Variants in PPL observed in about 807,000 individuals in gnomAD.
PPL encodes the protein 190 kDa paraneoplastic pemphigus antigen.
PPL carries 198 observed loss-of-function variants against 194.4 expected under a neutral mutation model. The ratio of observed to expected loss-of-function variants is 1.02; its 90% CI spans 0.91 to 1.15. PPL has a LOEUF of 1.15. Among genes scored for constraint, PPL ranks in the 50% most tolerant of loss-of-function variants. The probability of loss-of-function intolerance (pLI) is 0.00; values close to 1 mark genes in which losing one functional copy is unlikely to be tolerated. For missense variants in PPL, 2,885 were observed against 2,294.8 expected, an observed-to-expected ratio of 1.26 and a Z score of -5.25; for synonymous variants, 1,220 against 972.4, an observed-to-expected ratio of 1.25 and a Z score of -4.74.
In PPL at chr16:4,883,555, C is replaced by T. The variant is rs2088142738; in HGVS notation, c.5100G>A (p.Val1700=). 4.3e-6 allele frequency: 7 copies of T among 1,614,192 alleles called. No homozygotes were observed. The highest frequency in any genetic ancestry group is 5.9e-6 in the Non-Finnish European group (7 of 1,180,018). ...SQECDWEEIS[V]KGPNGESSVI... Reference sequence around the variant, plus strand: ...CTGAGGACTCCCCATTGGGACCCTTCACTGAGATCTCCTCCCAGTCGCACT... The same window carrying T: ...CTGAGGACTCCCCATTGGGACCCTTTACTGAGATCTCCTCCCAGTCGCACT... Residue 1700 remains valine, a synonymous_variant, in exon 22 of 22, where the codon GTG becomes GTA. Coordinates refer to ENST00000345988, the MANE Select transcript of PPL (RefSeq NM_002705.5). This position sits in a 1 kb window ranked among gnomAD's most constrained non-coding sequence, Gnocchi z 4.8.
At position 4,910,960 on chromosome 16, in the gene PPL, A is replaced by C. The variant is rs2088808494; in HGVS notation, c.63-11T>G. The C allele has an allele frequency of 1.9e-6, 3 of 1,609,230 alleles. No individual in the cohort carries two copies. The highest frequency in any genetic ancestry group is 2.5e-6 in the Non-Finnish European group (3 of 1,178,864). ...TCCTTGTTAGAGATGCTGCGGGCAGAAGCCGAGGGGAGATGGGCGGGGTGC... is the reference window on the plus strand; with the variant it reads ...TCCTTGTTAGAGATGCTGCGGGCAGCAGCCGAGGGGAGATGGGCGGGGTGC... On this transcript the variant is annotated splice_polypyrimidine_tract_variant and intron_variant, in intron 1 of 21. Transcript: ENST00000345988.
chr16:4,909,956 A>G (rs1454655512), intron 2 of PPL, among the ~76,000 whole-genome samples: 1 of 152,222 alleles, frequency 6.6e-6, no homozygotes, highest in Non-Finnish European at 1.5e-5. Flanking sequence ...CTGCAGGCCG[A>G]TGCTGGCACC....
chr16:4,889,201 ATTTTTATT>A, intron 18 of PPL, 140 bp from the exon 19 acceptor site: 1 of 406,048 alleles, frequency 2.5e-6, no homozygotes, highest in Non-Finnish European at 4.1e-6. Flanking sequence ...CCTTGTATAC[ATTTTTATT>A]CATTGCAAAA....
At position 4,922,009 on chromosome 16, in the gene PPL, G is replaced by A. The variant is rs114620409; in HGVS notation, c.63-11060C>T. 6.6e-3 allele frequency among the ~76,000 whole-genome samples: 1,004 copies of A among 152,104 alleles called. 5 individuals carry two copies. The highest frequency in any genetic ancestry group is 0.023 in the African/African-American group (946 of 41,496). ...CAGAGAAAGATAACACAGGTGTCTCGGGGGACCCTCGCTCTCCACCTCCTG... is the reference window on the plus strand; with the variant it reads ...CAGAGAAAGATAACACAGGTGTCTCAGGGGACCCTCGCTCTCCACCTCCTG... On this transcript the variant is annotated intron_variant, in intron 1 of 21. Coordinates refer to ENST00000345988, the MANE Select transcript of PPL (RefSeq NM_002705.5).
Position 4,936,913 on chromosome 16 carries a change from G to A in PPL, c.62+71C>T, listed in dbSNP as rs1180153611. 7 of 1,455,238 alleles carry A rather than the reference G, an allele frequency of 4.8e-6. No homozygotes were observed. The Admixed American group carries it at 8.0e-5, about 17-fold the overall frequency. The allele number at this position is 1,455,238 out of a possible 1,614,324, so 90.1% of individuals were successfully genotyped here. A position where few individuals can be genotyped will look rare whatever the true frequency, so the allele number is the denominator to read the frequency against. On this transcript the variant is annotated intron_variant, in intron 1 of 21. Transcript: ENST00000345988. ...TACCCCCCATTCCTACACTGCCCGGGAGGTCTTCCAGGTCCTGTGCGCCCA... is the reference window on the plus strand; with the variant it reads ...TACCCCCCATTCCTACACTGCCCGGAAGGTCTTCCAGGTCCTGTGCGCCCA...
chr16:4,933,831 C>A (rs1568070074), intron 1 of PPL, among the ~76,000 whole-genome samples: 1 of 152,236 alleles, frequency 6.6e-6, no homozygotes, highest in Non-Finnish European at 1.5e-5. Context: ...CAGTGCACAG[C>A]CTGTCCACCA....
rs752935554 is a variant in PPL at position 4,893,253 on chromosome 16, C to T, written c.1610G>A (p.Arg537Gln). ...GILRPPLEQG[R>Q]AVQDSAERAK... ...CCGCTCGGCACTGTCCTGCACAGCC[C>T]GGCCTTGCTCCAGTGGTGGCCGCAG... Residue 537 changes from arginine to glutamine, a missense_variant, in exon 14 of 22, where the codon CGG becomes CAG. Transcript: ENST00000345988. 44 of 1,592,526 alleles carry T rather than the reference C, an allele frequency of 2.8e-5. No individual in the cohort carries two copies. The highest frequency in any genetic ancestry group is 3.2e-5 in the Non-Finnish European group (38 of 1,173,240).
At chr16:4,907,474 G>A (rs958310219) in intron 2 of PPL, among the ~76,000 whole-genome samples, 2 of 152,078 alleles carry the variant, frequency 1.3e-5, no homozygotes, top group South Asian at 2.1e-4. Context: ...GTGTGATGCA[G>A]TGTATGATTC....
Position 4,902,675 on chromosome 16 carries a change from AC to A in PPL, c.318-150del. 1.3e-6 allele frequency: 1 copy of A among 747,134 alleles called. No homozygotes were observed. 46.3% of individuals were successfully genotyped at this position (747,134 alleles called of 1,614,324 possible). A position where few individuals can be genotyped will look rare whatever the true frequency, so the allele number is the denominator to read the frequency against. Reference sequence around the variant, plus strand: ...TTCCAGACAATCACAGCATCCTCTCACCCCTCCTCCCATGCACTTTTTTTTT... The same window carrying A: ...TTCCAGACAATCACAGCATCCTCTCACCCTCCTCCCATGCACTTTTTTTTT... On this transcript the variant is annotated intron_variant, in intron 3 of 21. Coordinates refer to ENST00000345988, the MANE Select transcript of PPL (RefSeq NM_002705.5). This position sits in a 1 kb window ranked among gnomAD's most constrained non-coding sequence, Gnocchi z 4.0.
intron 1 of PPL, among the ~76,000 whole-genome samples, chr16:4,924,890 T>G (rs2089127529): frequency 6.6e-6 from 1 of 152,210 alleles, no homozygotes; most frequent in South Asian, 2.1e-4. Flanking sequence ...GCCACGTTCC[T>G]GCCATCACCT....
At position 4,895,699 on chromosome 16, in the gene PPL, C is replaced by T; in HGVS notation, c.990G>A (p.Lys330=). 1 of 1,613,946 alleles carries T rather than the reference C, an allele frequency of 6.2e-7. No homozygotes were observed. The highest frequency in any genetic ancestry group is 1.1e-5 in the South Asian group (1 of 91,090). ...EDYHQFHEDV[K]DAQELLRKVD... ...CCTTGCGCAGCAGCTCCTGAGCGTC[C>T]TTCACGTCTTCGTGAAACTAGGGGA... The change falls in exon 10 of 22, where the codon AAG becomes AAA. Residue 330 remains lysine, a synonymous_variant. Coordinates refer to ENST00000345988, the MANE Select transcript of PPL (RefSeq NM_002705.5).
At position 4,920,371 on chromosome 16, in the gene PPL, G is replaced by GAAAGAAAGAAAGAAAGAAA; in HGVS notation, c.63-9423_63-9422insTTTCTTTCTTTCTTTCTTT. 3.0e-3 allele frequency among the ~76,000 whole-genome samples: 284 copies of GAAAGAAAGAAAGAAAGAAA among 94,230 alleles called. 86 individuals carry two copies. Among genetic ancestry groups the GAAAGAAAGAAAGAAAGAAA allele is most frequent in the Middle Eastern group, 5.2e-3 (1 of 192 alleles). The allele number at this position is 94,230 out of a possible 152,430, so 61.8% of individuals were successfully genotyped here. A position where few individuals can be genotyped will look rare whatever the true frequency, so the allele number is the denominator to read the frequency against. On this transcript the variant is annotated intron_variant, in intron 1 of 21. Transcript: ENST00000345988. The stretch of plus-strand genomic sequence containing the variant: ...AGAAAGAAAGAAAGAAAGAAAGAAA[G>GAAAGAAAGAAAGAAAGAAA]GACACCTCGGTCAAATTTCAAAGAC...
intron 8 of PPL, among the ~76,000 whole-genome samples, chr16:4,898,281 G>A (rs1157230505): frequency 2.0e-5 from 3 of 152,198 alleles, no homozygotes; most frequent in Admixed American, 6.6e-5. Flanking sequence ...GGGAGGCTGA[G>A]GCAGGAGAAT....
chr16:4,895,729 G>T lies in PPL; in HGVS notation c.973-13C>A. The T allele has an allele frequency of 6.2e-7, 1 of 1,613,740 alleles. No individual in the cohort carries two copies. Among genetic ancestry groups the T allele is most frequent in the Non-Finnish European group, 8.5e-7 (1 of 1,180,006 alleles). On this transcript the variant is annotated splice_polypyrimidine_tract_variant and intron_variant, in intron 9 of 21. Coordinates refer to ENST00000345988, the MANE Select transcript of PPL (RefSeq NM_002705.5). Reference sequence around the variant, plus strand: ...CGTCTTCGTGAAACTAGGGGAGAAGGTGGCTCTGTTACAGCCAGGAAACCA... The same window carrying T: ...CGTCTTCGTGAAACTAGGGGAGAAGTTGGCTCTGTTACAGCCAGGAAACCA...
chr16:4,936,200 A>T (rs2089296289), intron 1 of PPL, among the ~76,000 whole-genome samples: 1 of 152,156 alleles, frequency 6.6e-6, no homozygotes, highest in African/African-American at 2.4e-5. Context: ...AGACGCCGCC[A>T]GTTTCGGGGC....
At chr16:4,904,551 A>C (rs2088643909) in intron 2 of PPL, among the ~76,000 whole-genome samples, 1 of 152,210 alleles carries the variant, frequency 6.6e-6, no homozygotes, top group African/African-American at 2.4e-5. Flanking sequence ...ACACAAGCTA[A>C]GAACAAAGGA....
chr16:4,885,736 T>TGCCTCCAGCTCCTCCTGCAGC lies in PPL; in HGVS notation c.2898_2918dup (p.Glu969_Gln975dup), dbSNP rs767852876. ...CCAGGGCACGCAGCTGCAGCTGCAG[T>TGCCTCCAGCTCCTCCTGCAGC]GCCTCCAGCTCCTCCTGCAGCAGCT... On this transcript the variant is annotated inframe_insertion, in exon 22 of 22. Coordinates refer to ENST00000345988, the MANE Select transcript of PPL (RefSeq NM_002705.5). The surrounding 1 kb of genome is among the most constrained non-coding windows in gnomAD (Gnocchi z 6.3). The TGCCTCCAGCTCCTCCTGCAGC allele has an allele frequency of 5.6e-6, 9 of 1,613,030 alleles. No homozygotes were observed. The East Asian group carries it at 2.0e-4, about 36-fold the overall frequency.
chr16:4,899,173 C>T, intron 7 of PPL, 50 bp downstream of exon 7: 1 of 1,613,680 alleles, frequency 6.2e-7, no homozygotes, highest in Non-Finnish European at 8.5e-7. Flanking sequence ...CGGTCCCGTG[C>T]TCCTTCCAGG....
intron 1 of PPL, 129 bp from the exon 2 acceptor site, chr16:4,911,078 A>C (rs2088811138): frequency 1.6e-6 from 1 of 624,474 alleles, no homozygotes; most frequent in Non-Finnish European, 2.8e-6. Context: ...AGAGCCTTTG[A>C]GGTAGTTGGG....
Sources: gnomAD v4.1 joint callset for allele counts (sites outside exome capture counted in the v4.1 genomes callset) on GRCh38, gnomAD v4.1.1 for gene constraint, Gnocchi (gnomAD v3.1) non-coding constraint, MANE v1.5 for transcripts, NCBI Gene and HGNC (gene_info 2026-07-23, HGNC 2026-07-21) for gene names.